ARID1B: variants seen among roughly 807,000 people sequenced by gnomAD.
ARID1B encodes the protein AT-rich interactive domain-containing protein 1B.
In ARID1B, 30 loss-of-function variants were observed where a neutral mutation model predicts 212.3. The observed-to-expected ratio is 0.14, with a 90% CI of 0.11 to 0.19. ARID1B has a LOEUF of 0.19. Ranked by LOEUF, ARID1B falls within the 10% of genes least tolerant of loss-of-function variation. ARID1B has a pLI of 1.00. For missense variants in ARID1B, 2,891 were observed against 3,204.0 expected (o/e 0.90, Z 2.36); for synonymous variants, 1,402 against 1,301.7 (o/e 1.08, Z -1.66).
At chr6:157,000,897 G>A (rs150776779) in intron 4 of ARID1B, among the ~76,000 whole-genome samples, 7 of 151,952 alleles carry the variant, frequency 4.6e-5, no homozygotes, top group South Asian at 2.1e-4. Context: ...GTTTCACTAC[G>A]TTGGCCAGGC....
At chr6:157,085,204 C>G (rs962827711) in intron 5 of ARID1B, among the ~76,000 whole-genome samples, 1 of 152,146 alleles carries the variant, frequency 6.6e-6, no homozygotes, top group African/African-American at 2.4e-5. Flanking sequence ...TGTAATGATT[C>G]TGTTACATCA....
intron 2 of ARID1B, among the ~76,000 whole-genome samples, chr6:156,897,246 C>CTTA (rs1374385412): frequency 7.0e-4 from 72 of 103,546 alleles, no homozygotes; most frequent in African/African-American, 2.2e-3. Flanking sequence ...TCTTCTTCTT[C>CTTA]TTCTTCTTCT....
At chr6:156,813,133 C>G (rs1781727334) in intron 1 of ARID1B, among the ~76,000 whole-genome samples, 1 of 144,792 alleles carries the variant, frequency 6.9e-6, no homozygotes, top group Non-Finnish European at 1.5e-5. Flanking sequence ...GAGACGGAGT[C>G]TCGCACTGTT....
chr6:157,148,685 G>T lies in ARID1B; in HGVS notation c.2823G>T (p.Gly941=). ...GVPSASYSGP[G]PGMGISANNQ... is the part of the protein sequence containing the mutation. The stretch of plus-strand genomic sequence containing the variant: ...CCAGTGCAAGCTACAGCGGCCCAGG[G>T]CCCGGTATGGGTATCAGTGCCAACA... Residue 941 remains glycine, a synonymous_variant, in exon 8 of 20, where the codon GGG becomes GGT. Coordinates refer to ENST00000636930, the MANE Select transcript of ARID1B (RefSeq NM_001374828.1). The surrounding 1 kb of genome is among the most constrained non-coding windows in gnomAD (Gnocchi z 5.6). The T allele has an allele frequency of 6.2e-7, 1 of 1,612,208 alleles. No homozygotes were observed. Among genetic ancestry groups the T allele is most frequent in the Non-Finnish European group, 8.5e-7 (1 of 1,179,156 alleles).
At chr6:157,087,628 T>C (rs560741673) in intron 5 of ARID1B, among the ~76,000 whole-genome samples, 1 of 152,210 alleles carries the variant, frequency 6.6e-6, no homozygotes, top group Non-Finnish European at 1.5e-5. Flanking sequence ...TACAGTTGAT[T>C]TAGGCAGCAA....
intron 2 of ARID1B, among the ~76,000 whole-genome samples, chr6:156,869,905 C>T (rs1224103544): frequency 3.3e-5 from 5 of 149,866 alleles, no homozygotes; most frequent in African/African-American, 1.2e-4. Context: ...ATATCATTTC[C>T]AATAATGTTC....
intron 18 of ARID1B, among the ~76,000 whole-genome samples, chr6:157,202,769 A>G (rs1205064372): frequency 6.6e-6 from 1 of 150,446 alleles, no homozygotes; most frequent in Non-Finnish European, 1.5e-5. Context: ...ATATAGATAT[A>G]TATAGAATAT....
At chr6:156,803,696 A>G (rs1484115163) in intron 1 of ARID1B, among the ~76,000 whole-genome samples, 1 of 142,840 alleles carries the variant, frequency 7.0e-6, no homozygotes, top group Non-Finnish European at 1.5e-5. Flanking sequence ...AGCTGCCCAC[A>G]TTGAGTGGGT....
At chr6:157,135,785 T>C (rs1324614382) in intron 7 of ARID1B, among the ~76,000 whole-genome samples, 1 of 151,982 alleles carries the variant, frequency 6.6e-6, no homozygotes, top group Non-Finnish European at 1.5e-5. Context: ...TAATAAAGGG[T>C]TTTTTTTCTT....
At chr6:157,059,551 G>T (rs1175373287) in intron 4 of ARID1B, among the ~76,000 whole-genome samples, 5 of 152,216 alleles carry the variant, frequency 3.3e-5, no homozygotes, top group African/African-American at 1.2e-4. Flanking sequence ...AGGTTTCTGA[G>T]ATTAGAGTAT....
At chr6:157,175,456 C>G (rs543258116) in intron 11 of ARID1B, 1 of 152,324 alleles carries the variant, frequency 6.6e-6, no homozygotes, top group African/African-American at 2.4e-5. Flanking sequence ...AAACTGCCTA[C>G]CTGAAAGAAG....
At chr6:156,838,740 A>C (rs938192190) in intron 2 of ARID1B, among the ~76,000 whole-genome samples, 2 of 151,306 alleles carry the variant, frequency 1.3e-5, no homozygotes, top group Non-Finnish European at 1.5e-5. Context: ...AATAAACAAA[A>C]AAAACCGCTC....
chr6:157,073,554 C>T (rs1784116744), intron 4 of ARID1B, among the ~76,000 whole-genome samples: 1 of 152,228 alleles, frequency 6.6e-6, no homozygotes, highest in South Asian at 2.1e-4. Context: ...TACATAGCGA[C>T]TGCTTATTGA....
chr6:156,850,440 T>G (rs181096950), intron 2 of ARID1B, among the ~76,000 whole-genome samples: 2 of 152,306 alleles, frequency 1.3e-5, no homozygotes, highest in Admixed American at 1.3e-4. Flanking sequence ...GTATTTTGAA[T>G]TCCTAATTTT....
At chr6:157,066,163 C>CAA (rs1165555486) in intron 4 of ARID1B, among the ~76,000 whole-genome samples, 6 of 152,148 alleles carry the variant, frequency 3.9e-5, no homozygotes, top group Non-Finnish European at 7.4e-5. Context: ...GAAGAAAACA[C>CAA]AAAACTTATT....
chr6:157,070,043 C>G (rs1185709267), intron 4 of ARID1B, among the ~76,000 whole-genome samples: 2 of 151,916 alleles, frequency 1.3e-5, no homozygotes, highest in African/African-American at 4.8e-5. Context: ...TATGTTGTTG[C>G]CTATACCTAA....
chr6:157,113,899 TA>T (rs1787126521), intron 6 of ARID1B, among the ~76,000 whole-genome samples: 1 of 152,220 alleles, frequency 6.6e-6, no homozygotes, highest in South Asian at 2.1e-4. Context: ...TATTATTTAT[TA>T]AAACTTAGGA....
In ARID1B at chr6:156,777,820, C is replaced by T; in HGVS notation, c.140C>T (p.Ala47Val). The T allele has an allele frequency of 2.2e-6, 2 of 924,856 alleles. No homozygotes were observed. The highest frequency in any genetic ancestry group is 2.6e-6 in the Non-Finnish European group (2 of 768,508). 57.3% of individuals were successfully genotyped at this position (924,856 alleles called of 1,614,324 possible). A position where few individuals can be genotyped will look rare whatever the true frequency, so the allele number is the denominator to read the frequency against. ...GACCTGGAGGCGGGGGCGCGCGGCG[C>T]GGCGGCGGCGGCGGCGGCACCGGGA... ...ARDLEAGARG[A>V]AAAAAAPGPM... Residue 47 changes from alanine to valine, a missense_variant, in exon 1 of 20, where the codon GCG becomes GTG. Ala to Val is a moderately conservative substitution (Grantham distance 64). This residue lies in a region of ARID1B where 1,643 missense variants were observed against 1,544.0 expected (regional missense o/e 1.06). Transcript: ENST00000636930.
At chr6:156,894,266 C>CTGGGGGTTGGGATGGGGG (rs1473245596) in intron 2 of ARID1B, among the ~76,000 whole-genome samples, 4 of 51,708 alleles carry the variant, frequency 7.7e-5, no homozygotes, top group African/African-American at 1.6e-4. Context: ...ATGGTGCTTG[C>CTGGGGGTTGGGATGGGGG]CGGGGGTTGG....
Sources: gnomAD v4.1 joint callset for allele counts (sites outside exome capture counted in the v4.1 genomes callset) on GRCh38, gnomAD v4.1.1 for gene constraint, gnomAD v4.1.1 regional missense constraint, Gnocchi (gnomAD v3.1) non-coding constraint, MANE v1.5 for transcripts, NCBI Gene and HGNC (gene_info 2026-07-23, HGNC 2026-07-21) for gene names.